Variants in P2RX7 observed in about 807,000 individuals in gnomAD.
The protein encoded by P2RX7 is P2X purinoceptor 7.
In P2RX7, 62 loss-of-function variants were observed where a neutral mutation model predicts 71.6. The observed-to-expected ratio is 0.87, with a 90% CI of 0.71 to 1.07. P2RX7 has a LOEUF of 1.07. Ranked by LOEUF, P2RX7 falls within the 50% of genes least tolerant of loss-of-function variation. The pLI, the probability that P2RX7 is intolerant of heterozygous loss-of-function variation, is 0.00. For synonymous variants in P2RX7, 299 were observed against 283.3 expected, an observed-to-expected ratio of 1.06 and a Z score of -0.56; for missense variants, 686 against 748.5, an observed-to-expected ratio of 0.92 and a Z score of 0.97.
At chr12:121,163,370 A>ACT in intron 5 of P2RX7, among the ~76,000 whole-genome samples, 1 of 150,482 alleles carries the variant, frequency 6.6e-6, no homozygotes, top group Non-Finnish European at 1.5e-5. Context: ...ACACACACAC[A>ACT]CACACACAAT....
intron 3 of P2RX7, 100 bp from the exon 4 acceptor site, chr12:121,160,802 T>C: frequency 9.9e-7 from 1 of 1,009,912 alleles, no homozygotes; most frequent in Non-Finnish European, 1.6e-6. Flanking sequence ...AGTGCTGCTA[T>C]AAGCATTCGT....
chr12:121,155,965 T>G, intron 2 of P2RX7, 114 bp from the exon 3 acceptor site: 1 of 945,532 alleles, frequency 1.1e-6, no homozygotes, highest in Non-Finnish European at 1.7e-6. Flanking sequence ...CCACAGATCC[T>G]GATTTCTAGA....
intron 1 of P2RX7, among the ~76,000 whole-genome samples, chr12:121,151,776 TC>T (rs1396965458): frequency 1.3e-5 from 2 of 151,844 alleles, no homozygotes; most frequent in African/African-American, 4.8e-5. Flanking sequence ...CAGGAGTCAC[TC>T]CCCATTTCTT....
At chr12:121,155,148 T>G in intron 2 of P2RX7, 195 bp downstream of exon 2, 2 of 1,497,498 alleles carry the variant, frequency 1.3e-6, no homozygotes, top group Non-Finnish European at 1.8e-6. Context: ...CTTTGCTTTA[T>G]CAAGTCCTAC....
intron 8 of P2RX7, among the ~76,000 whole-genome samples, chr12:121,171,568 A>C (rs1365025753): frequency 6.6e-6 from 1 of 151,880 alleles, no homozygotes; most frequent in African/African-American, 2.4e-5. Context: ...ACTTAATTAT[A>C]TCTGCAAACA....
intron 1 of P2RX7, among the ~76,000 whole-genome samples, chr12:121,145,741 C>G (rs1331187668): frequency 6.6e-6 from 1 of 151,966 alleles, no homozygotes; most frequent in Non-Finnish European, 1.5e-5. Flanking sequence ...CTCCTGACCT[C>G]TTGATCCACC....
At position 121,182,598 on chromosome 12, in the gene P2RX7, T is replaced by C. The variant is rs148438900; in HGVS notation, c.1291-1707T>C. ...ATATAGAAAAGGTACAGTGAAAATA[T>C]GATATAAAAGCTTAAAAATGGTACA... On this transcript the variant is annotated intron_variant, in intron 12 of 12. Coordinates refer to ENST00000328963, the MANE Select transcript of P2RX7 (RefSeq NM_002562.6). Among the ~76,000 whole-genome samples the C allele has an allele frequency of 1.8e-3, 269 of 152,188 alleles. 1 individual carries two copies. The highest frequency in any genetic ancestry group is 0.014 in the Middle Eastern group (4 of 294).
chr12:121,162,178 A>G (rs1879858406), intron 4 of P2RX7: 1 of 1,242,852 alleles, frequency 8.0e-7, no homozygotes, highest in Admixed American at 3.6e-5. Flanking sequence ...ATAAAGAAAC[A>G]AAAGAGCCAG....
At chr12:121,152,101 T>G (rs915949145) in intron 1 of P2RX7, among the ~76,000 whole-genome samples, 2 of 152,094 alleles carry the variant, frequency 1.3e-5, no homozygotes, top group Non-Finnish European at 2.9e-5. Context: ...TGCCTCACCC[T>G]CCCGAGTAGT....
chr12:121,183,843 A>G (rs1020359246), intron 12 of P2RX7, among the ~76,000 whole-genome samples: 2 of 152,172 alleles, frequency 1.3e-5, no homozygotes, highest in African/African-American at 4.8e-5. Flanking sequence ...CAGGTGGATC[A>G]CCTGAGGTCA....
At position 121,154,919 on chromosome 12, in the gene P2RX7, T is replaced by C; in HGVS notation, c.260T>C (p.Val87Ala). ...ENGVKKLVHS[V>A]FDTADYTFPL... ...GGAGTGAAGAAGTTGGTGCACAGTG[T>C]CTTTGACACCGCAGACTACACCTTC... The change falls in exon 2 of 13, where the codon GTC becomes GCC. Residue 87 changes from valine (V) to alanine (A), a missense_variant. Coordinates refer to ENST00000328963, the MANE Select transcript of P2RX7 (RefSeq NM_002562.6). The surrounding 1 kb of genome is among the most constrained non-coding windows in gnomAD (Gnocchi z 4.2). The C allele has an allele frequency of 6.2e-7, 1 of 1,613,502 alleles. No individual in the cohort carries two copies. Among genetic ancestry groups the C allele is most frequent in the Non-Finnish European group, 8.5e-7 (1 of 1,179,800 alleles).
At chr12:121,133,692 A>G (rs539411826) in intron 1 of P2RX7, among the ~76,000 whole-genome samples, 1 of 152,256 alleles carries the variant, frequency 6.6e-6, no homozygotes, top group Admixed American at 6.5e-5. Flanking sequence ...TAATCGACTC[A>G]AAAGGAATCC....
intron 8 of P2RX7, among the ~76,000 whole-genome samples, chr12:121,169,583 T>G (rs981722166): frequency 6.6e-6 from 1 of 152,152 alleles, no homozygotes; most frequent in Admixed American, 6.5e-5. Context: ...GTTTCTGTTT[T>G]TTTGTTTTTT....
chr12:121,170,990 G>C (rs1882068345), intron 8 of P2RX7, among the ~76,000 whole-genome samples: 1 of 152,192 alleles, frequency 6.6e-6, no homozygotes, highest in South Asian at 2.1e-4. Flanking sequence ...CTTATTCAGT[G>C]AATAGGTGAT....
intron 11 of P2RX7, 147 bp downstream of exon 11, chr12:121,177,593 T>C: frequency 1.3e-6 from 1 of 798,926 alleles, no homozygotes; most frequent in Admixed American, 2.9e-5. Flanking sequence ...AACTCTCAGA[T>C]AAATTTTTTG....
chr12:121,139,067 C>A (rs2135982270), intron 1 of P2RX7, among the ~76,000 whole-genome samples: 1 of 152,190 alleles, frequency 6.6e-6, no homozygotes, highest in Middle Eastern at 3.4e-3. Flanking sequence ...TCAGCCTCCC[C>A]AGTAGCTGGG....
intron 4 of P2RX7, chr12:121,162,151 C>A: frequency 9.9e-7 from 1 of 1,014,712 alleles, no homozygotes; most frequent in Non-Finnish European, 1.3e-6. Flanking sequence ...CCGCTCCCCT[C>A]ATGGGCACCT....
rs1879588462 is a variant in P2RX7 at position 121,161,124 on chromosome 12, G to T, written c.436+150G>T. 6 of 710,146 alleles carry T rather than the reference G, an allele frequency of 8.4e-6. No individual in the cohort carries two copies. The South Asian group carries it at 9.2e-5, about 11-fold the overall frequency. 44.0% of individuals were successfully genotyped at this position (710,146 alleles called of 1,614,324 possible). A position where few individuals can be genotyped will look rare whatever the true frequency, so the allele number is the denominator to read the frequency against. ...CATAGGCGAGTCTGCCCATGCTTCG[G>T]CTCTGTCCCCAGCAGACCAGCTGCT... On this transcript the variant is annotated intron_variant, in intron 4 of 12. Coordinates refer to ENST00000328963, the MANE Select transcript of P2RX7 (RefSeq NM_002562.6).
At chr12:121,174,272 T>C (rs1435121243) in intron 8 of P2RX7, among the ~76,000 whole-genome samples, 2 of 151,996 alleles carry the variant, frequency 1.3e-5, no homozygotes, top group Non-Finnish European at 2.9e-5. Context: ...GGTCTTGAAC[T>C]CCTGACCTCA....
Sources: allele counts gnomAD v4.1 joint callset (sites outside exome capture counted in the v4.1 genomes callset), GRCh38; gene constraint gnomAD v4.1.1; non-coding constraint Gnocchi (gnomAD v3.1); transcripts MANE v1.5; gene names NCBI Gene and HGNC (gene_info 2026-07-23, HGNC 2026-07-21).